The following RABGAP1L variants were observed in gnomAD, a reference collection of about 807,000 sequenced individuals.
The protein encoded by RABGAP1L is RAB GTPase activating protein 1 like.
A neutral mutation model predicts 137.7 loss-of-function variants in RABGAP1L; 63 were observed. The ratio of observed to expected loss-of-function variants is 0.46; its 90% confidence interval spans 0.37 to 0.56. The LOEUF is 0.56. Among genes scored for constraint, RABGAP1L ranks in the 20% least tolerant of loss-of-function variants. The probability of loss-of-function intolerance (pLI) is 0.00; values close to 1 mark genes in which losing one functional copy is unlikely to be tolerated. For synonymous variants in RABGAP1L, 431 were observed against 433.7 expected, an observed-to-expected ratio of 0.99 and a Z score of 0.08; for missense variants, 1,095 against 1,244.0, an observed-to-expected ratio of 0.88 and a Z score of 1.80.
intron 17 of RABGAP1L, among the ~76,000 whole-genome samples, chr1:174,729,809 AAAAT>A (rs1212241081): frequency 4.6e-5 from 7 of 152,212 alleles, no homozygotes; most frequent in Non-Finnish European, 1.0e-4. Flanking sequence ...TTAAAAAGTA[AAAAT>A]AAATAACAGA....
In RABGAP1L at chr1:174,940,475, G is replaced by A. The variant is rs370729835; in HGVS notation, c.2341-16982G>A. 1.8e-4 allele frequency among the ~76,000 whole-genome samples: 28 copies of A among 151,842 alleles called. 1 individual carries two copies. The highest frequency in any genetic ancestry group is 5.6e-4 in the African/African-American group (23 of 41,412). Reference sequence around the variant, plus strand: ...AAATTTTTTGTAGAGATGGGGTCTCGCTTTGTTGCCCAGGCTGGTCTTGAA... The same window carrying A: ...AAATTTTTTGTAGAGATGGGGTCTCACTTTGTTGCCCAGGCTGGTCTTGAA... On this transcript the variant is annotated intron_variant, in intron 19 of 25. Coordinates refer to ENST00000681986, the MANE Select transcript of RABGAP1L (RefSeq NM_001366446.1).
At chr1:174,334,799 T>G (rs1223866694) in intron 11 of RABGAP1L, among the ~76,000 whole-genome samples, 1 of 152,156 alleles carries the variant, frequency 6.6e-6, no homozygotes, top group African/African-American at 2.4e-5. Flanking sequence ...TGAATAGCAA[T>G]AAAGGGATAG....
chr1:174,383,795 C>G (rs143269274), intron 12 of RABGAP1L, among the ~76,000 whole-genome samples: 1 of 151,920 alleles, frequency 6.6e-6, no homozygotes, highest in East Asian at 1.9e-4. Context: ...TGTTCCTATT[C>G]GGCCATCTTG....
chr1:174,521,676 A>G (rs547339685), intron 13 of RABGAP1L, among the ~76,000 whole-genome samples: 1 of 152,352 alleles, frequency 6.6e-6, no homozygotes, highest in South Asian at 2.1e-4. Flanking sequence ...TTTAGACCTG[A>G]GGAATCTCAA....
intron 1 of RABGAP1L, among the ~76,000 whole-genome samples, chr1:174,215,962 A>G (rs1669287078): frequency 6.6e-6 from 1 of 152,244 alleles, no homozygotes; most frequent in African/African-American, 2.4e-5. Flanking sequence ...CTATTCAGCC[A>G]TAAAGAAGAA....
chr1:174,277,524 A>G (rs1489512598), intron 9 of RABGAP1L, among the ~76,000 whole-genome samples: 9 of 151,610 alleles, frequency 5.9e-5, no homozygotes, highest in Admixed American at 3.3e-4. Context: ...ATTAAACTAT[A>G]TAATAGTATA....
intron 13 of RABGAP1L, among the ~76,000 whole-genome samples, chr1:174,580,125 A>C (rs772749402): frequency 1.4e-4 from 22 of 152,204 alleles, no homozygotes; most frequent in Non-Finnish European, 2.6e-4. Flanking sequence ...GCAAAATATA[A>C]AACATAAACT....
chr1:174,202,785 G>A (rs926952344), intron 1 of RABGAP1L, among the ~76,000 whole-genome samples: 1 of 152,118 alleles, frequency 6.6e-6, no homozygotes, highest in African/African-American at 2.4e-5. Context: ...ATGGTTTTAG[G>A]TCTAACATTT....
chr1:174,555,972 A>G (rs1425720056), intron 13 of RABGAP1L, among the ~76,000 whole-genome samples: 1 of 150,498 alleles, frequency 6.6e-6, no homozygotes, highest in Non-Finnish European at 1.5e-5. Context: ...GGAATGAAAT[A>G]TAAAAGCTGA....
chr1:174,492,371 G>T, intron 13 of RABGAP1L, among the ~76,000 whole-genome samples: 1 of 134,784 alleles, frequency 7.4e-6, no homozygotes. Flanking sequence ...TTTTTGAGAT[G>T]GAGTCTCGCT....
At position 174,305,104 on chromosome 1, in the gene RABGAP1L, C is replaced by T. The variant is rs1181276747; in HGVS notation, c.1442C>T (p.Pro481Leu). 10 of 1,539,178 alleles carry T rather than the reference C, an allele frequency of 6.5e-6. No homozygotes were observed. The highest frequency in any genetic ancestry group is 8.7e-6 in the Non-Finnish European group (10 of 1,152,926). The change falls in exon 11 of 26, where the codon CCC (proline) becomes CTC (leucine). Residue 481 changes from proline (P) to leucine (L), a missense_variant. Physicochemically the swap from Pro to Leu is moderately conservative, Grantham distance 98. This residue lies in a region of RABGAP1L where 315 missense variants were observed against 324.8 expected (regional missense o/e 0.97). Coordinates refer to ENST00000681986, the MANE Select transcript of RABGAP1L (RefSeq NM_001366446.1). Reference sequence around the variant, plus strand: ...ACTAGTGGAGGGGGTCCAATGTCACCCCAGGATGATGAAGCAGAAGAGGGT... The same window carrying T: ...ACTAGTGGAGGGGGTCCAATGTCACTCCAGGATGATGAAGCAGAAGAGGGT... ...TPTSGGGPMS[P>L]QDDEAEEESD... is the part of the protein sequence containing the mutation.
At chr1:174,939,688 C>T (rs1665521862) in intron 19 of RABGAP1L, among the ~76,000 whole-genome samples, 2 of 151,732 alleles carry the variant, frequency 1.3e-5, no homozygotes, top group East Asian at 1.9e-4. Flanking sequence ...TAATTATTGG[C>T]TCTGTCAAAC....
chr1:174,251,426 CAGTT>C (rs1672708984), intron 6 of RABGAP1L, among the ~76,000 whole-genome samples: 1 of 151,520 alleles, frequency 6.6e-6, no homozygotes. Context: ...TAATAGGAAA[CAGTT>C]ATATTATTTA....
chr1:174,716,628 C>T (rs969452042), intron 17 of RABGAP1L, among the ~76,000 whole-genome samples: 1 of 152,134 alleles, frequency 6.6e-6, no homozygotes, highest in African/African-American at 2.4e-5. Flanking sequence ...CCGGGACTTT[C>T]AGAGGCTCTT....
Position 174,278,653 on chromosome 1 carries a change from C to G in RABGAP1L, c.1197C>G (p.Val399=), listed in dbSNP as rs753826538. The G allele has an allele frequency of 2.5e-6, 4 of 1,613,168 alleles. No homozygotes were observed. The highest frequency in any genetic ancestry group is 1.6e-4 in the Middle Eastern group (1 of 6,078). Residue 399 remains valine (V), a synonymous_variant, in exon 10 of 26, where the codon GTC becomes GTG. Transcript: ENST00000681986. Reference sequence around the variant, plus strand: ...TGACTGTGGCAGTGGATATGGTAGTCACAGAGGTGGTGGAGCCTGTTCGCT... The same window carrying G: ...TGACTGTGGCAGTGGATATGGTAGTGACAGAGGTGGTGGAGCCTGTTCGCT... The part of the protein sequence containing the change: ...VYMTVAVDMV[V]TEVVEPVRFL...
At chr1:174,780,103 TAAA>T (rs869261625) in intron 18 of RABGAP1L, among the ~76,000 whole-genome samples, 30,317 of 150,004 alleles carry the variant, frequency 0.2, 3,862 homozygotes, top group East Asian at 0.28. Context: ...AATAAATAAA[TAAA>T]TAAATAAATA....
chr1:174,762,835 GAT>G (rs1685340559), intron 18 of RABGAP1L, among the ~76,000 whole-genome samples: 1 of 97,216 alleles, frequency 1.0e-5, no homozygotes, highest in Non-Finnish European at 1.9e-5. Flanking sequence ...TTTTTTTTAA[GAT>G]AGATTCTAGC....
chr1:174,950,492 C>T lies in RABGAP1L; in HGVS notation c.2341-6965C>T, dbSNP rs192826112. ...TTCCTCCTCTTGATGGATGCCTTCT[C>T]CTGATTCCTTTTCATCTGTTTCTTC... On this transcript the variant is annotated intron_variant, in intron 19 of 25. Coordinates refer to ENST00000681986, the MANE Select transcript of RABGAP1L (RefSeq NM_001366446.1). Among the ~76,000 whole-genome samples, 355 of 152,216 alleles carry T rather than the reference C, an allele frequency of 2.3e-3. 2 individuals are homozygous for T. The highest frequency in any genetic ancestry group is 7.7e-3 in the African/African-American group (320 of 41,520).
intron 13 of RABGAP1L, among the ~76,000 whole-genome samples, chr1:174,430,525 CACA>C (rs1652507897): frequency 1.3e-5 from 2 of 152,132 alleles, no homozygotes; most frequent in African/African-American, 2.4e-5. Flanking sequence ...TGAATCTGGG[CACA>C]ACATGTTGGC....
Sources: gnomAD v4.1 joint callset for allele counts (sites outside exome capture counted in the v4.1 genomes callset) on GRCh38, gnomAD v4.1.1 for gene constraint, gnomAD v4.1.1 regional missense constraint, MANE v1.5 for transcripts, NCBI Gene and HGNC (gene_info 2026-07-23, HGNC 2026-07-21) for gene names.